VEGFC: variants seen among roughly 807,000 people sequenced by gnomAD.
VEGFC encodes the protein FLT4 ligand DHM.
In VEGFC, 12 loss-of-function variants were observed where a neutral mutation model predicts 46.1. The observed-to-expected ratio is 0.26, with a 90% CI of 0.17 to 0.42. VEGFC has a LOEUF of 0.42. Among genes scored for constraint, VEGFC ranks in the 10% least tolerant of loss-of-function variants. The probability of loss-of-function intolerance (pLI) is 1.00; values close to 1 mark genes in which losing one functional copy is unlikely to be tolerated. For missense variants in VEGFC, 488 were observed against 529.4 expected, an observed-to-expected ratio of 0.92 and a Z score of 0.77; for synonymous variants, 232 against 195.5, an observed-to-expected ratio of 1.19 and a Z score of -1.56.
At chr4:176,688,767 C>T (rs574274616) in intron 4 of VEGFC, among the ~76,000 whole-genome samples, 38 of 152,278 alleles carry the variant, frequency 2.5e-4, no homozygotes, top group African/African-American at 7.5e-4. Context: ...TTGGTGCCCA[C>T]GTGACATGAG....
chr4:176,746,775 A>C (rs1260608517), intron 1 of VEGFC, among the ~76,000 whole-genome samples: 1 of 152,130 alleles, frequency 6.6e-6, no homozygotes, highest in Non-Finnish European at 1.5e-5. Flanking sequence ...GCACACAAAC[A>C]ATATCAAACC....
In VEGFC at chr4:176,687,201, G is replaced by C; in HGVS notation, c.1131C>G (p.His377Gln). ...GGATCTCTTACCTGCATGTTTGGTG[G>C]TGGAACTTCTTTCCTTTTAACAAGC... is the stretch of plus-strand genomic sequence containing the variant. ...QKCLLKGKKF[H>Q]HQTCSCYRRP... is the part of the protein sequence containing the mutation. The change falls in exon 6 of 7, where the codon CAC becomes CAG. Residue 377 changes from histidine (H) to glutamine (Q), a missense_variant. Coordinates refer to ENST00000618562, the MANE Select transcript of VEGFC (RefSeq NM_005429.5). 6.2e-7 allele frequency: 1 copy of C among 1,611,776 alleles called. No homozygotes were observed. Among genetic ancestry groups the C allele is most frequent in the Non-Finnish European group, 8.5e-7 (1 of 1,179,130 alleles).
chr4:176,701,533 C>A (rs542633168), intron 4 of VEGFC, among the ~76,000 whole-genome samples: 1 of 152,250 alleles, frequency 6.6e-6, no homozygotes, highest in Non-Finnish European at 1.5e-5. Flanking sequence ...AAGGTAGAAA[C>A]AAGACTGTCC....
At chr4:176,733,906 C>T (rs1344770779) in intron 1 of VEGFC, among the ~76,000 whole-genome samples, 1 of 151,782 alleles carries the variant, frequency 6.6e-6, no homozygotes, top group East Asian at 1.9e-4. Flanking sequence ...TCTCAGCAAT[C>T]TAAAGAACTT....
chr4:176,702,833 A>C (rs751704898), intron 4 of VEGFC, among the ~76,000 whole-genome samples: 2 of 152,162 alleles, frequency 1.3e-5, no homozygotes, highest in Non-Finnish European at 2.9e-5. Flanking sequence ...GAATAAAAAA[A>C]ACATAAAAAC....
chr4:176,700,374 G>A (rs939656437), intron 4 of VEGFC, among the ~76,000 whole-genome samples: 8 of 151,246 alleles, frequency 5.3e-5, no homozygotes, highest in African/African-American at 9.7e-5. Context: ...CTGAGATCAC[G>A]CCACTGCACT....
At chr4:176,776,994 G>A (rs189486419) in intron 1 of VEGFC, among the ~76,000 whole-genome samples, 3 of 152,172 alleles carry the variant, frequency 2.0e-5, no homozygotes, top group East Asian at 1.9e-4. Flanking sequence ...ATAACTGGAC[G>A]GGAGATGTTT....
At chr4:176,741,200 C>A (rs917368168) in intron 1 of VEGFC, among the ~76,000 whole-genome samples, 12 of 151,870 alleles carry the variant, frequency 7.9e-5, no homozygotes, top group Non-Finnish European at 1.6e-4. Context: ...ATGTTTGTTA[C>A]ATTTAAATCC....
intron 1 of VEGFC, among the ~76,000 whole-genome samples, chr4:176,775,591 T>C (rs1735802011): frequency 1.3e-5 from 2 of 151,688 alleles, no homozygotes; most frequent in African/African-American, 4.9e-5. Flanking sequence ...GGCCATGTAT[T>C]GTATTTCCAG....
At chr4:176,722,264 A>G (rs1374305204) in intron 3 of VEGFC, among the ~76,000 whole-genome samples, 1 of 152,178 alleles carries the variant, frequency 6.6e-6, no homozygotes, top group African/African-American at 2.4e-5. Context: ...CAACATTGTA[A>G]ATCTATTATA....
At chr4:176,745,860 G>A (rs541180091) in intron 1 of VEGFC, among the ~76,000 whole-genome samples, 1 of 152,188 alleles carries the variant, frequency 6.6e-6, no homozygotes, top group South Asian at 2.1e-4. Flanking sequence ...AATGGCTGTG[G>A]ACATATGGAA....
Position 176,688,912 on chromosome 4 carries a change from A to C in VEGFC, c.705-985T>G, listed in dbSNP as rs576480469. On this transcript the variant is annotated intron_variant, in intron 4 of 6. Transcript: ENST00000618562. The stretch of plus-strand genomic sequence containing the variant: ...ATTTTAGAGGCTATCATTTGAGATC[A>C]GAAGTGTTTAGTGCCATCAGATCAC... Among the ~76,000 whole-genome samples, 4 of 152,356 alleles carry C rather than the reference A, an allele frequency of 2.6e-5. No individual in the cohort carries two copies. The East Asian group carries it at 7.7e-4, about 29-fold the overall frequency.
chr4:176,780,381 C>CAAAAAAAAAAAAA (rs1252541684), intron 1 of VEGFC, among the ~76,000 whole-genome samples: 50 of 12,238 alleles, frequency 4.1e-3, no homozygotes, highest in African/African-American at 0.011. Flanking sequence ...GACTCCATCT[C>CAAAAAAAAAAAAA]AAAAAAAAAA....
chr4:176,692,060 T>C (rs1734192366), intron 4 of VEGFC, among the ~76,000 whole-genome samples: 2 of 151,988 alleles, frequency 1.3e-5, no homozygotes, highest in East Asian at 1.9e-4. Flanking sequence ...GAAAATCGGG[T>C]CACTCCCACC....
intron 3 of VEGFC, among the ~76,000 whole-genome samples, chr4:176,715,751 C>T (rs1734689235): frequency 6.6e-6 from 1 of 152,054 alleles, no homozygotes; most frequent in Non-Finnish European, 1.5e-5. Context: ...ATAGTATGTG[C>T]TTAGAAAATA....
chr4:176,786,010 A>T (rs1220099108), intron 1 of VEGFC, among the ~76,000 whole-genome samples: 3 of 152,066 alleles, frequency 2.0e-5, no homozygotes, highest in Non-Finnish European at 4.4e-5. Context: ...CATCGCCAGC[A>T]ATCAGGAGCA....
intron 3 of VEGFC, among the ~76,000 whole-genome samples, chr4:176,727,397 A>G (rs1734888827): frequency 6.6e-6 from 1 of 152,184 alleles, no homozygotes; most frequent in African/African-American, 2.4e-5. Context: ...TTGCACTGTT[A>G]TCTCCACCAT....
intron 3 of VEGFC, among the ~76,000 whole-genome samples, chr4:176,724,351 A>G (rs1199445922): frequency 6.6e-6 from 1 of 152,112 alleles, no homozygotes; most frequent in East Asian, 1.9e-4. Context: ...ACTAAAAGAG[A>G]TTTGTGCACT....
intron 1 of VEGFC, among the ~76,000 whole-genome samples, chr4:176,754,471 T>C (rs1463139837): frequency 1.3e-5 from 2 of 152,032 alleles, no homozygotes; most frequent in Admixed American, 6.6e-5. Flanking sequence ...CTTTTCTAGC[T>C]TCTAGAAGCT....
Sources: allele counts gnomAD v4.1 joint callset (sites outside exome capture counted in the v4.1 genomes callset), GRCh38; gene constraint gnomAD v4.1.1; transcripts MANE v1.5; gene names NCBI Gene and HGNC (gene_info 2026-07-23, HGNC 2026-07-21).